GRIK1: variants seen among roughly 807,000 people sequenced by gnomAD.
GRIK1 encodes glutamate receptor ionotropic, kainate 1.
Under a neutral mutation model 105.7 loss-of-function variants are expected in GRIK1, and 69 were observed. The ratio of observed to expected loss-of-function variants is 0.65; its 90% CI spans 0.54 to 0.80. GRIK1 has a LOEUF of 0.80. GRIK1 is among the 30% of genes least tolerant of loss of function. The probability of loss-of-function intolerance (pLI) is 0.00; values close to 1 mark genes in which losing one functional copy is unlikely to be tolerated. For synonymous variants in GRIK1, 438 were observed against 431.3 expected (o/e 1.02, Z -0.19); for missense variants, 1,109 against 1,167.3 (o/e 0.95, Z 0.73).
chr21:29,817,960 T>C (rs2067198236), intron 1 of GRIK1, among the ~76,000 whole-genome samples: 1 of 152,158 alleles, frequency 6.6e-6, no homozygotes. Context: ...GGCACGATTA[T>C]TCCTATTTGG....
intron 1 of GRIK1, among the ~76,000 whole-genome samples, chr21:29,880,673 G>A (rs975712967): frequency 1.3e-5 from 2 of 152,076 alleles, no homozygotes; most frequent in African/African-American, 4.8e-5. Flanking sequence ...TTTACACAAT[G>A]GTGGAGATCT....
chr21:29,696,077 T>C (rs1405023511), intron 1 of GRIK1, among the ~76,000 whole-genome samples: 2 of 152,242 alleles, frequency 1.3e-5, no homozygotes, highest in Admixed American at 1.3e-4. Context: ...ATCTGTAATG[T>C]TCCTGCTGAA....
chr21:29,691,032 T>G (rs2063575220), intron 2 of GRIK1, among the ~76,000 whole-genome samples: 1 of 152,144 alleles, frequency 6.6e-6, no homozygotes, highest in Non-Finnish European at 1.5e-5. Flanking sequence ...TCCTATAATA[T>G]TAAACATTTG....
intron 10 of GRIK1, among the ~76,000 whole-genome samples, chr21:29,589,914 AT>A (rs1429367014): frequency 6.6e-6 from 1 of 151,866 alleles, no homozygotes; most frequent in Non-Finnish European, 1.5e-5. Flanking sequence ...GGCCATTTCT[AT>A]TTCTTCTTTT....
In GRIK1 at chr21:29,598,700, A is replaced by G. The variant is rs551997093; in HGVS notation, c.1206+130T>C. On this transcript the variant is annotated intron_variant, in intron 8 of 17. Coordinates refer to ENST00000327783, the MANE Select transcript of GRIK1 (RefSeq NM_001330994.2). Reference sequence around the variant, plus strand: ...ATCTGCAGAAAAAAGAAAGAGAGATAAAAAACTGGATGTAAAAGAACATGC... The same window carrying G: ...ATCTGCAGAAAAAAGAAAGAGAGATGAAAAACTGGATGTAAAAGAACATGC... 1.7e-4 allele frequency: 89 copies of G among 528,462 alleles called. 1 individual carries two copies. In the South Asian group the frequency reaches 2.7e-3, roughly 16 times the overall value. The allele number at this position is 528,462 out of a possible 1,614,324, so 32.7% of individuals were successfully genotyped here. A position where few individuals can be genotyped will look rare whatever the true frequency, so the allele number is the denominator to read the frequency against.
chr21:29,553,645 A>G (rs1406866512), intron 16 of GRIK1: 1 of 1,609,530 alleles, frequency 6.2e-7, no homozygotes. Context: ...AAGTAGTTCC[A>G]GAAGTGGAGT....
chr21:29,647,611 C>A (rs1005706890), intron 6 of GRIK1, among the ~76,000 whole-genome samples: 8 of 152,174 alleles, frequency 5.3e-5, no homozygotes, highest in African/African-American at 1.9e-4. Flanking sequence ...CCCCTGACTC[C>A]TGTGCAGTGT....
chr21:29,559,877 A>G (rs1406420792), intron 15 of GRIK1, among the ~76,000 whole-genome samples: 2 of 152,080 alleles, frequency 1.3e-5, no homozygotes, highest in Middle Eastern at 3.4e-3. Flanking sequence ...CATGTCTACA[A>G]CTCTCTGACT....
chr21:29,629,981 T>C (rs2062227406), intron 7 of GRIK1, among the ~76,000 whole-genome samples: 1 of 152,184 alleles, frequency 6.6e-6, no homozygotes, highest in Non-Finnish European at 1.5e-5. Context: ...ACTGCAAGGA[T>C]GGATGATTTT....
intron 7 of GRIK1, among the ~76,000 whole-genome samples, chr21:29,626,387 A>T (rs1382225621): frequency 6.6e-6 from 1 of 152,164 alleles, no homozygotes; most frequent in African/African-American, 2.4e-5. Flanking sequence ...TTTCCAACAC[A>T]TGAACTCTGG....
chr21:29,648,180 C>T (rs2062656049), intron 6 of GRIK1, among the ~76,000 whole-genome samples: 1 of 152,030 alleles, frequency 6.6e-6, no homozygotes, highest in Non-Finnish European at 1.5e-5. Context: ...TTTCTAATTC[C>T]TATATTCATC....
chr21:29,879,282 G>A (rs905768896), intron 1 of GRIK1, among the ~76,000 whole-genome samples: 2 of 152,060 alleles, frequency 1.3e-5, no homozygotes, highest in Non-Finnish European at 2.9e-5. Context: ...GGGAAGTCAG[G>A]TATAGAGGTA....
intron 1 of GRIK1, among the ~76,000 whole-genome samples, chr21:29,772,770 C>A (rs115401144): frequency 0.017 from 2,531 of 152,238 alleles, 77 homozygotes; most frequent in African/African-American, 0.058. Context: ...AAGCAGTTTG[C>A]AAAGTAGATG....
chr21:29,719,417 C>G (rs1424383039), intron 1 of GRIK1, among the ~76,000 whole-genome samples: 1 of 152,084 alleles, frequency 6.6e-6, no homozygotes, highest in Non-Finnish European at 1.5e-5. Context: ...AATAAAGTAA[C>G]TTTTCAGCCT....
chr21:29,615,159 A>T (rs1468248741), intron 7 of GRIK1, among the ~76,000 whole-genome samples: 1 of 151,474 alleles, frequency 6.6e-6, no homozygotes, highest in Non-Finnish European at 1.5e-5. Context: ...CTAGTATTTT[A>T]TTTATTAATA....
intron 1 of GRIK1, among the ~76,000 whole-genome samples, chr21:29,848,406 T>A (rs769533661): frequency 6.6e-6 from 1 of 152,164 alleles, no homozygotes; most frequent in Non-Finnish European, 1.5e-5. Flanking sequence ...TCCGGCCTCA[T>A]GGCAAACAAT....
At chr21:29,745,279 A>G (rs2065023684) in intron 1 of GRIK1, among the ~76,000 whole-genome samples, 1 of 152,234 alleles carries the variant, frequency 6.6e-6, no homozygotes, top group Non-Finnish European at 1.5e-5. Context: ...CTGCACGAGT[A>G]AACTCAGAAG....
chr21:29,828,889 A>C (rs751855362), intron 1 of GRIK1, among the ~76,000 whole-genome samples: 1 of 152,298 alleles, frequency 6.6e-6, no homozygotes, highest in Non-Finnish European at 1.5e-5. Context: ...GTAATGCTGA[A>C]AACTTGTTCA....
chr21:29,913,567 A>C (rs2070890991), intron 1 of GRIK1, among the ~76,000 whole-genome samples: 1 of 151,778 alleles, frequency 6.6e-6, no homozygotes, highest in Non-Finnish European at 1.5e-5. Context: ...AACTGTAAAG[A>C]CCTGGAATAG....
Sources: gnomAD v4.1 joint callset for allele counts (sites outside exome capture counted in the v4.1 genomes callset) on GRCh38, gnomAD v4.1.1 for gene constraint, MANE v1.5 for transcripts, NCBI Gene and HGNC (gene_info 2026-07-23, HGNC 2026-07-21) for gene names.